RAB30: variants seen among roughly 807,000 people sequenced by gnomAD.
The protein encoded by RAB30 is ras-related protein Rab-30.
In RAB30, 9 loss-of-function variants were observed where a neutral mutation model predicts 25.1. That is an observed-to-expected ratio of 0.36 (90% confidence interval 0.22 to 0.63). The LOEUF is 0.63. Ranked by LOEUF, RAB30 falls within the 20% of genes least tolerant of loss-of-function variation. The pLI is 0.69. For synonymous variants in RAB30, 77 were observed against 86.4 expected, an observed-to-expected ratio of 0.89 and a Z score of 0.60; for missense variants, 140 against 243.5, an observed-to-expected ratio of 0.58 and a Z score of 2.83.
chr11:83,062,810 G>A (rs1376854160), intron 1 of RAB30, among the ~76,000 whole-genome samples: 3 of 152,010 alleles, frequency 2.0e-5, no homozygotes, highest in Admixed American at 2.0e-4. Context: ...AGACCAGCCT[G>A]GCCAACAAGG....
At chr11:83,070,735 CAAT>C in intron 1 of RAB30, among the ~76,000 whole-genome samples, 1 of 152,262 alleles carries the variant, frequency 6.6e-6, no homozygotes, top group East Asian at 1.9e-4. Flanking sequence ...AAAAAAACAA[CAAT>C]AACAAAACAA....
intron 1 of RAB30, among the ~76,000 whole-genome samples, chr11:83,038,326 A>G (rs563196005): frequency 1.3e-4 from 20 of 152,322 alleles, no homozygotes; most frequent in African/African-American, 4.8e-4. Context: ...CAAGATGCTG[A>G]AAGGCTTTTT....
chr11:83,004,253 A>G (rs1857142526), intron 1 of RAB30, among the ~76,000 whole-genome samples: 1 of 152,256 alleles, frequency 6.6e-6, no homozygotes, highest in Non-Finnish European at 1.5e-5. Context: ...AAAATAAATA[A>G]TAAGAAATCC....
chr11:83,060,756 C>T (rs2121520533), intron 1 of RAB30, among the ~76,000 whole-genome samples: 1 of 152,136 alleles, frequency 6.6e-6, no homozygotes, highest in South Asian at 2.1e-4. Flanking sequence ...ACCTAGAAAC[C>T]TAGTAAAGCA....
At chr11:83,051,144 T>C (rs1858349345) in intron 1 of RAB30, among the ~76,000 whole-genome samples, 1 of 152,148 alleles carries the variant, frequency 6.6e-6, no homozygotes, top group South Asian at 2.1e-4. Flanking sequence ...TCCTTCCATG[T>C]GAGATCCTTC....
intron 1 of RAB30, among the ~76,000 whole-genome samples, chr11:83,001,299 C>T (rs1040214917): frequency 1.2e-4 from 18 of 152,130 alleles, no homozygotes; most frequent in African/African-American, 4.3e-4. Context: ...CCTCAGCCTC[C>T]CAAGTAGCTG....
At chr11:83,053,620 C>CAA (rs36050063) in intron 1 of RAB30, among the ~76,000 whole-genome samples, 3,492 of 144,860 alleles carry the variant, frequency 0.024, 100 homozygotes, top group African/African-American at 0.069. Flanking sequence ...TAAATGCCTT[C>CAA]AAAAAAAAAA....
chr11:83,000,234 C>A (rs577685163), intron 1 of RAB30, among the ~76,000 whole-genome samples: 1 of 152,308 alleles, frequency 6.6e-6, no homozygotes, highest in Non-Finnish European at 1.5e-5. Flanking sequence ...TGAACCACTA[C>A]CCAAGTGCCT....
chr11:82,990,283 T>A (rs2121448196), intron 3 of RAB30, among the ~76,000 whole-genome samples: 1 of 152,374 alleles, frequency 6.6e-6, no homozygotes, highest in Middle Eastern at 3.4e-3. Context: ...TGTCTTTTAT[T>A]TGACCTTACA....
In RAB30 at chr11:82,974,947, T is replaced by TTC. The variant is rs949690531; in HGVS notation, c.*7217_*7218insGA. On this transcript the variant is annotated 3_prime_UTR_variant, in exon 5 of 5. Coordinates refer to ENST00000527633, the MANE Select transcript of RAB30 (RefSeq NM_001286060.2). The stretch of plus-strand genomic sequence containing the variant: ...TTGAGCAGAGTTTGTTGTTTTTTCT[T>TTC]TTTTTTTTTTTTTTTGCTGAAAACA... 9 of 146,324 alleles carry TTC rather than the reference T, an allele frequency of 6.2e-5. No homozygotes were observed. The highest frequency in any genetic ancestry group is 2.2e-4 in the African/African-American group (9 of 40,462). 9.1% of individuals were successfully genotyped at this position (146,324 alleles called of 1,614,324 possible).
chr11:83,029,054 G>A (rs916452091), intron 1 of RAB30, among the ~76,000 whole-genome samples: 1 of 152,026 alleles, frequency 6.6e-6, no homozygotes, highest in South Asian at 2.1e-4. Context: ...CCTGGAGGAT[G>A]TCCTTCACTA....
intron 1 of RAB30, among the ~76,000 whole-genome samples, chr11:83,012,701 G>C (rs1857330745): frequency 6.6e-6 from 1 of 152,194 alleles, no homozygotes. Context: ...TGGCAAAGAG[G>C]AAGTGCTCAG....
chr11:82,982,537 A>C, intron 4 of RAB30, 122 bp from the exon 5 acceptor site: 1 of 1,021,088 alleles, frequency 9.8e-7, no homozygotes, highest in Non-Finnish European at 1.4e-6. Flanking sequence ...AACAAAACAA[A>C]TGTGACTGTG....
At chr11:83,069,439 A>T (rs1858781277) in intron 1 of RAB30, among the ~76,000 whole-genome samples, 1 of 152,202 alleles carries the variant, frequency 6.6e-6, no homozygotes, top group Non-Finnish European at 1.5e-5. Context: ...AGAGAATAAA[A>T]TAACAAACTT....
chr11:83,054,556 A>G (rs1234090130), intron 1 of RAB30, among the ~76,000 whole-genome samples: 1 of 152,164 alleles, frequency 6.6e-6, no homozygotes, highest in Non-Finnish European at 1.5e-5. Flanking sequence ...AACATTAACA[A>G]CAACAACAAA....
At chr11:83,014,634 AAAAGAAAGAAAG>A (rs58927757) in intron 1 of RAB30, among the ~76,000 whole-genome samples, 5,678 of 112,636 alleles carry the variant, frequency 0.05, 177 homozygotes, top group Middle Eastern at 0.062. Context: ...AGAAGTAAGA[AAAAGAAAGAAAG>A]AAAGAAAGAA....
chr11:83,006,959 G>A (rs900067499), intron 1 of RAB30, among the ~76,000 whole-genome samples: 3 of 152,224 alleles, frequency 2.0e-5, no homozygotes, highest in Non-Finnish European at 4.4e-5. Context: ...GCTTGCTTGT[G>A]TCATGAATAA....
rs1212827134 is a variant in RAB30, at chr11:82,975,535, G to T, written c.*6630C>A. 1 of 152,032 alleles carries T rather than the reference G, an allele frequency of 6.6e-6. No individual in the cohort carries two copies. Among genetic ancestry groups the T allele is most frequent in the Non-Finnish European group, 1.5e-5 (1 of 67,994 alleles). The allele number at this position is 152,032 out of a possible 1,614,324, so 9.4% of individuals were successfully genotyped here. A position where few individuals can be genotyped will look rare whatever the true frequency, so the allele number is the denominator to read the frequency against. On this transcript the variant is annotated 3_prime_UTR_variant, in exon 5 of 5. Transcript: ENST00000527633. ...GGGGAAGAAACGCTTTTGGATGTTG[G>T]TAATTATGTACATCAAATAATGTCA...
In RAB30 at chr11:82,978,409, A is replaced by AAAGT. The variant is rs1856581766; in HGVS notation, c.*3752_*3755dup. On this transcript the variant is annotated 3_prime_UTR_variant, in exon 5 of 5. Transcript: ENST00000527633. ...TTAGGAACATTTCCTCACAGTTCAAAAAGTTCTGCCCACCTTGATTAACTT... is the reference window on the plus strand; with the variant it reads ...TTAGGAACATTTCCTCACAGTTCAAAAAGTAAGTTCTGCCCACCTTGATTAACTT... The AAAGT allele has an allele frequency of 1.3e-5, 2 of 151,998 alleles. No homozygotes were observed. The highest frequency in any genetic ancestry group is 6.6e-5 in the Admixed American group (1 of 15,244). 9.4% of individuals were successfully genotyped at this position (151,998 alleles called of 1,614,324 possible). A position where few individuals can be genotyped will look rare whatever the true frequency, so the allele number is the denominator to read the frequency against.
Sources: allele counts gnomAD v4.1 joint callset (sites outside exome capture counted in the v4.1 genomes callset), GRCh38; gene constraint gnomAD v4.1.1; transcripts MANE v1.5; gene names NCBI Gene and HGNC (gene_info 2026-07-23, HGNC 2026-07-21).